Variants in CDV3 observed in about 807,000 individuals in gnomAD.
The protein encoded by CDV3 is protein CDV3 homolog.
A neutral mutation model predicts 24.5 loss-of-function variants in CDV3; 14 were observed. The ratio of observed to expected loss-of-function variants is 0.57; its 90% confidence interval spans 0.38 to 0.89. The LOEUF is 0.89. Ranked by LOEUF, CDV3 falls within the 40% of genes least tolerant of loss-of-function variation. The pLI, the probability that CDV3 is intolerant of heterozygous loss-of-function variation, is 0.00. For missense variants in CDV3, 304 were observed against 310.2 expected (o/e 0.98, Z 0.15); for synonymous variants, 114 against 114.1 (o/e 1.00, Z 0.00).
chr3:133,578,304 T>TA (rs1238635042), intron 2 of CDV3, among the ~76,000 whole-genome samples: 1 of 152,184 alleles, frequency 6.6e-6, no homozygotes, highest in Non-Finnish European at 1.5e-5. Context: ...TTTGGGAGAA[T>TA]GTTAGAAAGA....
In CDV3 at chr3:133,588,205, C is replaced by T. The variant is rs887672198; in HGVS notation, c.*159C>T. Reference sequence around the variant, plus strand: ...CACTATGGAAGTTAAAGTGTCACGACTGCTCTATGCATATTGGATTTAGGG... The same window carrying T: ...CACTATGGAAGTTAAAGTGTCACGATTGCTCTATGCATATTGGATTTAGGG... On this transcript the variant is annotated 3_prime_UTR_variant, in exon 5 of 5. Coordinates refer to ENST00000264993, the MANE Select transcript of CDV3 (RefSeq NM_017548.5). 3.3e-6 allele frequency: 5 copies of T among 1,528,046 alleles called. No homozygotes were observed. The highest frequency in any genetic ancestry group is 4.4e-6 in the Non-Finnish European group (5 of 1,137,236). 94.7% of individuals were successfully genotyped at this position (1,528,046 alleles called of 1,614,324 possible).
intron 4 of CDV3, chr3:133,587,288 G>A: frequency 7.9e-7 from 1 of 1,267,730 alleles, no homozygotes; most frequent in Non-Finnish European, 1.0e-6. Context: ...AGATGGAAAT[G>A]TGTTTTTTGG....
intron 2 of CDV3, among the ~76,000 whole-genome samples, chr3:133,577,233 C>T (rs2074849572): frequency 6.6e-6 from 1 of 152,058 alleles, no homozygotes; most frequent in South Asian, 2.1e-4. Context: ...ATTCCACTAA[C>T]CTGCAACACT....
At chr3:133,575,955 T>C (rs901509220) in intron 2 of CDV3, among the ~76,000 whole-genome samples, 3 of 152,350 alleles carry the variant, frequency 2.0e-5, no homozygotes, top group South Asian at 2.1e-4. Context: ...ATAAAGGATC[T>C]TGATAAACTG....
chr3:133,587,149 CTT>C, intron 4 of CDV3: 2 of 1,263,434 alleles, frequency 1.6e-6, no homozygotes, highest in Non-Finnish European at 2.1e-6. Context: ...TTAAAATAAT[CTT>C]ATTTCAGCAG....
In CDV3 at chr3:133,588,180, C is replaced by T. The variant is rs1933805354; in HGVS notation, c.*134C>T. 5.8e-6 allele frequency: 9 copies of T among 1,539,606 alleles called. 1 individual carries two copies. In the South Asian group the frequency reaches 8.9e-5, roughly 15 times the overall value. On this transcript the variant is annotated 3_prime_UTR_variant, in exon 5 of 5. Coordinates refer to ENST00000264993, the MANE Select transcript of CDV3 (RefSeq NM_017548.5). The stretch of plus-strand genomic sequence containing the variant: ...CTCGATTTCATGACCGGCCCTATTG[C>T]ACTATGGAAGTTAAAGTGTCACGAC...
chr3:133,575,288 C>CATG (rs1252668593), intron 2 of CDV3, among the ~76,000 whole-genome samples, 173 bp downstream of exon 2: 2 of 152,214 alleles, frequency 1.3e-5, no homozygotes, highest in African/African-American at 4.8e-5. Flanking sequence ...GCAGCCCTTC[C>CATG]GTGTGCTCAT....
At position 133,588,921 on chromosome 3, in the gene CDV3, TTAAG is replaced by T. The variant is rs1305369939; in HGVS notation, c.*879_*882del. The T allele has an allele frequency of 1.3e-5, 2 of 153,130 alleles. No homozygotes were observed. Among genetic ancestry groups the T allele is most frequent in the Non-Finnish European group, 2.9e-5 (2 of 68,462 alleles). The allele number at this position is 153,130 out of a possible 1,614,324, so 9.5% of individuals were successfully genotyped here. On this transcript the variant is annotated 3_prime_UTR_variant, in exon 5 of 5. Transcript: ENST00000264993. The stretch of plus-strand genomic sequence containing the variant: ...TTGACAGAGCATATTGCTTGGTTAA[TTAAG>T]TAACCTAAAGTATGCATTAGGATTG...
Position 133,588,461 on chromosome 3 carries a change from G to A in CDV3, c.*415G>A. ...AAGATTACAACTATTAAGTGTCGATGTGAACCTTGCAACCAGCTCTACTGG... is the reference window on the plus strand; with the variant it reads ...AAGATTACAACTATTAAGTGTCGATATGAACCTTGCAACCAGCTCTACTGG... On this transcript the variant is annotated 3_prime_UTR_variant, in exon 5 of 5. Transcript: ENST00000264993. 1 of 1,239,416 alleles carries A rather than the reference G, an allele frequency of 8.1e-7. No homozygotes were observed. Among genetic ancestry groups the A allele is most frequent in the Non-Finnish European group, 1.1e-6 (1 of 880,352 alleles). The allele number at this position is 1,239,416 out of a possible 1,614,324, so 76.8% of individuals were successfully genotyped here.
At chr3:133,576,312 A>G (rs968100819) in intron 2 of CDV3, among the ~76,000 whole-genome samples, 3 of 152,298 alleles carry the variant, frequency 2.0e-5, no homozygotes, top group African/African-American at 7.2e-5. Flanking sequence ...TTGATTCCCA[A>G]CCACTTGTTG....
chr3:133,583,328 A>G (rs1479879066), intron 2 of CDV3, among the ~76,000 whole-genome samples: 2 of 152,116 alleles, frequency 1.3e-5, no homozygotes, highest in African/African-American at 4.8e-5. Flanking sequence ...AACTTTCAAA[A>G]CTCTTCATTT....
Position 133,574,041 on chromosome 3 carries a change from G to A in CDV3, c.-4G>A. The A allele has an allele frequency of 1.7e-6, 2 of 1,189,312 alleles. No homozygotes were observed. Among genetic ancestry groups the A allele is most frequent in the Non-Finnish European group, 2.1e-6 (2 of 938,084 alleles). 73.7% of individuals were successfully genotyped at this position (1,189,312 alleles called of 1,614,324 possible). ...CACCCATCCGGGTCGAGGAGGCCGA[G>A]GCCATGGCTGAGACGGAGGAGCGGA... On this transcript the variant is annotated 5_prime_UTR_variant, in exon 1 of 5. Coordinates refer to ENST00000264993, the MANE Select transcript of CDV3 (RefSeq NM_017548.5).
At chr3:133,585,100 G>A (rs192741852) in intron 3 of CDV3, among the ~76,000 whole-genome samples, 1 of 152,202 alleles carries the variant, frequency 6.6e-6, no homozygotes, top group East Asian at 1.9e-4. Flanking sequence ...TCTGGCCCAG[G>A]CTGGAGAGCA....
chr3:133,584,249 A>G, intron 3 of CDV3, 99 bp downstream of exon 3: 2 of 834,232 alleles, frequency 2.4e-6, no homozygotes, highest in Admixed American at 2.6e-5. Context: ...TAGGGTGAGG[A>G]GGAGAGGCTC....
chr3:133,587,046 A>G lies in CDV3; in HGVS notation c.626+324A>G, dbSNP rs368258710. On this transcript the variant is annotated intron_variant, in intron 4 of 4. Coordinates refer to ENST00000264993, the MANE Select transcript of CDV3 (RefSeq NM_017548.5). Reference sequence around the variant, plus strand: ...TAATTAAGTGGCTTTTGCTCCTTATAATATGGAAACTAGAAATATAAAAGC... The same window carrying G: ...TAATTAAGTGGCTTTTGCTCCTTATGATATGGAAACTAGAAATATAAAAGC... The G allele has an allele frequency of 9.0e-5, 48 of 533,460 alleles. 3 individuals carry two copies. Among genetic ancestry groups the G allele is most frequent in the African/African-American group, 2.5e-4 (13 of 51,406 alleles). 33.0% of individuals were successfully genotyped at this position (533,460 alleles called of 1,614,324 possible).
chr3:133,587,805 AG>A (rs1933769018), intron 4 of CDV3, 90 bp from the exon 5 acceptor site: 12 of 1,510,750 alleles, frequency 7.9e-6, no homozygotes, highest in African/African-American at 1.4e-5. Context: ...GATTCTTCTA[AG>A]GGGTGGCTTT....
rs758810319 is a variant in CDV3, at chr3:133,573,688, C to T, written c.-357C>T. The T allele has an allele frequency of 2.1e-3, 313 of 151,946 alleles. 3 individuals carry two copies. The highest frequency in any genetic ancestry group is 2.3e-3 in the Non-Finnish European group (153 of 67,960). 9.4% of individuals were successfully genotyped at this position (151,946 alleles called of 1,614,324 possible). A position where few individuals can be genotyped will look rare whatever the true frequency, so the allele number is the denominator to read the frequency against. On this transcript the variant is annotated 5_prime_UTR_variant, in exon 1 of 5. Transcript: ENST00000264993. ...CAGGCCTGCGCGCGCGCCTCTTCCT[C>T]CGGCACGCGCCGCTGCTAGCCGAGC...
chr3:133,578,087 T>A (rs2074884364), intron 2 of CDV3, among the ~76,000 whole-genome samples: 1 of 152,140 alleles, frequency 6.6e-6, no homozygotes, highest in Non-Finnish European at 1.5e-5. Context: ...ACTCCTGGGC[T>A]CAAGTGATCC....
At chr3:133,583,011 C>G (rs1454013821) in intron 2 of CDV3, among the ~76,000 whole-genome samples, 3 of 152,020 alleles carry the variant, frequency 2.0e-5, no homozygotes, top group Non-Finnish European at 2.9e-5. Flanking sequence ...ATCAAAGATG[C>G]CTTGGAGAAA....
Sources: allele counts gnomAD v4.1 joint callset (sites outside exome capture counted in the v4.1 genomes callset), GRCh38; gene constraint gnomAD v4.1.1; transcripts MANE v1.5; gene names NCBI Gene and HGNC (gene_info 2026-07-23, HGNC 2026-07-21).